The following AKAP13 variants were observed in gnomAD, a reference collection of about 807,000 sequenced individuals.
AKAP13 encodes the protein A-kinase anchor protein 13.
Under a neutral mutation model 264.5 loss-of-function variants are expected in AKAP13, and 80 were observed. The ratio of observed to expected loss-of-function variants is 0.30; its 90% confidence interval spans 0.25 to 0.36. The LOEUF (loss-of-function observed/expected upper bound fraction) is 0.36, where lower values mean the gene tolerates loss of function less well. Ranked by LOEUF, AKAP13 falls within the 10% of genes least tolerant of loss-of-function variation. AKAP13 has a pLI of 1.00. For missense variants in AKAP13, 3,712 were observed against 3,435.2 expected (o/e 1.08, Z -2.01); for synonymous variants, 1,380 against 1,250.2 (o/e 1.10, Z -2.19).
intron 17 of AKAP13, 30 bp downstream of exon 17, chr15:85,693,481 A>C: frequency 6.2e-7 from 1 of 1,607,320 alleles, no homozygotes. Flanking sequence ...CTCTCGTAAG[A>C]TGGAACTCTC....
At chr15:85,549,204 A>T (rs2077865249) in intron 5 of AKAP13, among the ~76,000 whole-genome samples, 1 of 152,226 alleles carries the variant, frequency 6.6e-6, no homozygotes, top group Non-Finnish European at 1.5e-5. Context: ...AATAGATACT[A>T]CTTTAAATAA....
chr15:85,443,131 C>T (rs1354695879), intron 1 of AKAP13, among the ~76,000 whole-genome samples: 1 of 151,664 alleles, frequency 6.6e-6, no homozygotes, highest in South Asian at 2.1e-4. Context: ...TAGTTCTCCC[C>T]CCACCCCCCA....
intron 2 of AKAP13, among the ~76,000 whole-genome samples, chr15:85,488,639 G>A (rs1053409164): frequency 6.6e-6 from 1 of 152,318 alleles, no homozygotes; most frequent in East Asian, 1.9e-4. Context: ...GAGTGAGAGG[G>A]AGTATCAGGA....
chr15:85,526,324 A>C (rs1207644286), intron 3 of AKAP13, among the ~76,000 whole-genome samples: 1 of 152,160 alleles, frequency 6.6e-6, no homozygotes, highest in Non-Finnish European at 1.5e-5. Context: ...CAGTGGCACA[A>C]TCACAGATCA....
At chr15:85,640,017 G>A (rs2082237772) in intron 9 of AKAP13, among the ~76,000 whole-genome samples, 1 of 152,166 alleles carries the variant, frequency 6.6e-6, no homozygotes, top group Non-Finnish European at 1.5e-5. Context: ...ACACTTGAGG[G>A]TACGATGCTC....
At chr15:85,721,762 A>T (rs2087302134) in intron 23 of AKAP13, among the ~76,000 whole-genome samples, 2 of 152,240 alleles carry the variant, frequency 1.3e-5, no homozygotes, top group African/African-American at 2.4e-5. Context: ...AAATCTGTAT[A>T]ACAGCTTTAT....
chr15:85,686,997 C>T (rs1273221754), intron 16 of AKAP13, among the ~76,000 whole-genome samples: 1 of 152,062 alleles, frequency 6.6e-6, no homozygotes, highest in African/African-American at 2.4e-5. Context: ...GTGGAGATTC[C>T]CCCTTTCTAG....
intron 1 of AKAP13, among the ~76,000 whole-genome samples, chr15:85,399,527 A>AAAAAAAT (rs1567038675): frequency 3.4e-4 from 39 of 114,764 alleles, no homozygotes; most frequent in African/African-American, 5.8e-4. Flanking sequence ...AAAAAATAAA[A>AAAAAAAT]AAATAAAAAA....
At chr15:85,449,167 T>C (rs959931482) in intron 1 of AKAP13, among the ~76,000 whole-genome samples, 3 of 152,146 alleles carry the variant, frequency 2.0e-5, no homozygotes, top group African/African-American at 7.2e-5. Flanking sequence ...TATTTTATGT[T>C]GTTTTATTTT....
chr15:85,406,135 A>G (rs1030022236), intron 1 of AKAP13, among the ~76,000 whole-genome samples: 1 of 152,212 alleles, frequency 6.6e-6, no homozygotes, highest in African/African-American at 2.4e-5. Context: ...TATAGGTGTA[A>G]GCCACTGAGC....
intron 6 of AKAP13, among the ~76,000 whole-genome samples, chr15:85,575,767 G>C (rs1357960283): frequency 6.6e-6 from 1 of 152,132 alleles, no homozygotes; most frequent in Non-Finnish European, 1.5e-5. Context: ...GGCCAACACA[G>C]GTGGATCACT....
At chr15:85,424,868 G>C (rs1402816884) in intron 1 of AKAP13, among the ~76,000 whole-genome samples, 1 of 152,166 alleles carries the variant, frequency 6.6e-6, no homozygotes, top group African/African-American at 2.4e-5. Context: ...TGTGTCTCAG[G>C]GAATAGGGAG....
In AKAP13 at chr15:85,740,279, G is replaced by A; in HGVS notation, c.7608+7G>A. 1 of 1,613,742 alleles carries A rather than the reference G, an allele frequency of 6.2e-7. No homozygotes were observed. Among genetic ancestry groups the A allele is most frequent in the Non-Finnish European group, 8.5e-7 (1 of 1,179,716 alleles). On this transcript the variant is annotated splice_region_variant and intron_variant, in intron 34 of 36. Coordinates refer to ENST00000394518, the MANE Select transcript of AKAP13 (RefSeq NM_007200.5). ...GCTCCTCAGCGCTCTGCAGGTGCGT[G>A]CCTTCATCTTCCATCCCTGCGTTTA... is the stretch of plus-strand genomic sequence containing the variant.
rs75241454 is a variant in AKAP13, at chr15:85,558,382, G to A, written c.662+14427G>A. Among the ~76,000 whole-genome samples the A allele has an allele frequency of 3.4e-3, 513 of 152,288 alleles. 1 individual carries two copies. The highest frequency in any genetic ancestry group is 6.2e-3 in the Non-Finnish European group (423 of 68,020). ...TTAATTATAACTTATGAAAAGTGCC[G>A]AATCAGGTCAGTGGGCTATATAAAA... On this transcript the variant is annotated intron_variant, in intron 5 of 36. Coordinates refer to ENST00000394518, the MANE Select transcript of AKAP13 (RefSeq NM_007200.5).
At chr15:85,434,370 G>A (rs2073170424) in intron 1 of AKAP13, among the ~76,000 whole-genome samples, 1 of 152,198 alleles carries the variant, frequency 6.6e-6, no homozygotes, top group African/African-American at 2.4e-5. Context: ...AAATCAAACT[G>A]CAAGGCGGCA....
At chr15:85,427,060 A>T (rs2072818346) in intron 1 of AKAP13, among the ~76,000 whole-genome samples, 1 of 144,382 alleles carries the variant, frequency 6.9e-6, no homozygotes, top group East Asian at 2.0e-4. Context: ...GGTTCACGCC[A>T]TTCTCCTGCC....
chr15:85,741,324 G>C lies in AKAP13; in HGVS notation c.7887G>C (p.Gly2629=). 5 of 1,613,230 alleles carry C rather than the reference G, an allele frequency of 3.1e-6. No homozygotes were observed. The highest frequency in any genetic ancestry group is 4.2e-6 in the Non-Finnish European group (5 of 1,179,672). Residue 2629 remains glycine (G), a synonymous_variant, in exon 35 of 37, where the codon GGG becomes GGC. Coordinates refer to ENST00000394518, the MANE Select transcript of AKAP13 (RefSeq NM_007200.5). ...LAQREEEVQQ[G]QQDLEKEREE... ...AGCGCGAGGAGGAGGTGCAGCAGGGGCAGCAGGACCTGGAAAAGGAGCGGG... is the reference window on the plus strand; with the variant it reads ...AGCGCGAGGAGGAGGTGCAGCAGGGCCAGCAGGACCTGGAAAAGGAGCGGG...
At chr15:85,501,021 C>G (rs1354571792) in intron 2 of AKAP13, among the ~76,000 whole-genome samples, 2 of 152,326 alleles carry the variant, frequency 1.3e-5, no homozygotes, top group Admixed American at 6.5e-5. Flanking sequence ...TACCACCAAT[C>G]TGATTGTGGG....
chr15:85,520,268 G>T (rs542330477), intron 2 of AKAP13, among the ~76,000 whole-genome samples: 11 of 152,072 alleles, frequency 7.2e-5, no homozygotes, highest in African/African-American at 2.7e-4. Context: ...GGCTGAGACG[G>T]GTGGATCATC....
Sources: gnomAD v4.1 joint callset for allele counts (sites outside exome capture counted in the v4.1 genomes callset) on GRCh38, gnomAD v4.1.1 for gene constraint, MANE v1.5 for transcripts, NCBI Gene and HGNC (gene_info 2026-07-23, HGNC 2026-07-21) for gene names.